Variants in PPM1E observed in about 807,000 individuals in gnomAD.
PPM1E encodes protein phosphatase, Mg2+/Mn2+ dependent 1E, also known as protein phosphatase 1E.
A neutral mutation model predicts 65.9 loss-of-function variants in PPM1E; 20 were observed. The ratio of observed to expected loss-of-function variants is 0.30; its 90% CI spans 0.21 to 0.44. The LOEUF (loss-of-function observed/expected upper bound fraction) is 0.44, where lower values mean the gene tolerates loss of function less well. PPM1E is among the 20% of genes least tolerant of loss of function. The pLI, the probability that PPM1E is intolerant of heterozygous loss-of-function variation, is 1.00. For synonymous variants in PPM1E, 352 were observed against 374.9 expected, an observed-to-expected ratio of 0.94 and a Z score of 0.70; for missense variants, 713 against 953.1, an observed-to-expected ratio of 0.75 and a Z score of 3.32.
chr17:58,928,702 ATT>A (rs138970237), intron 1 of PPM1E, among the ~76,000 whole-genome samples: 11 of 140,430 alleles, frequency 7.8e-5, no homozygotes, highest in Admixed American at 1.4e-4. Context: ...TCACACACGA[ATT>A]TTTTTTTTTT....
rs141896859 is a variant in PPM1E, at chr17:58,976,751, T to A, written c.1211-3223T>A. On this transcript the variant is annotated intron_variant, in intron 6 of 6. Coordinates refer to ENST00000308249, the MANE Select transcript of PPM1E (RefSeq NM_014906.5). ...AGTAGAGCAGGTGAAAAGCCAGAAC[T>A]TTGGCAGCATTTTCTCTGTACAAAT... 3.0e-3 allele frequency among the ~76,000 whole-genome samples: 459 copies of A among 152,294 alleles called. 1 individual carries two copies. The highest frequency in any genetic ancestry group is 0.01 in the African/African-American group (416 of 41,558).
In PPM1E at chr17:58,960,754, AGACTCTGTCTC is replaced by A. The variant is rs1231045123; in HGVS notation, c.584-4939_584-4929del. Among the ~76,000 whole-genome samples the A allele has an allele frequency of 3.7e-4, 55 of 149,790 alleles. 1 individual carries two copies. Among genetic ancestry groups the A allele is most frequent in the South Asian group, 6.3e-4 (3 of 4,756 alleles). On this transcript the variant is annotated intron_variant, in intron 2 of 6. Coordinates refer to ENST00000308249, the MANE Select transcript of PPM1E (RefSeq NM_014906.5). ...GCACTCCAACCTGGACTACAGAGCAAGACTCTGTCTCAAAAAAAAAAAAAAAAGAAAAATAA... is the reference window on the plus strand; with the variant it reads ...GCACTCCAACCTGGACTACAGAGCAAAAAAAAAAAAAAAAAAGAAAAATAA...
intron 1 of PPM1E, among the ~76,000 whole-genome samples, chr17:58,775,775 G>A (rs924975355): frequency 2.7e-5 from 4 of 150,268 alleles, no homozygotes; most frequent in South Asian, 2.1e-4. Context: ...TTAGCCGGGC[G>A]CGGTGGCGGG....
At chr17:58,963,471 G>A (rs1303135726) in intron 2 of PPM1E, among the ~76,000 whole-genome samples, 1 of 151,286 alleles carries the variant, frequency 6.6e-6, no homozygotes, top group African/African-American at 2.4e-5. Flanking sequence ...GGTGGATCAC[G>A]AGGTCAGGAG....
intron 1 of PPM1E, among the ~76,000 whole-genome samples, chr17:58,878,018 G>T (rs1337695032): frequency 1.3e-5 from 2 of 151,578 alleles, no homozygotes; most frequent in Non-Finnish European, 2.9e-5. Flanking sequence ...AAAGAAAAAA[G>T]TGAAAAATAA....
chr17:58,977,215 T>A lies in PPM1E; in HGVS notation c.1211-2759T>A, dbSNP rs2031057366. On this transcript the variant is annotated intron_variant, in intron 6 of 6. Transcript: ENST00000308249. The stretch of plus-strand genomic sequence containing the variant: ...ATCCCAGCACTTTGAGAAGCCCAGG[T>A]GGGTAGATCACAAGGTCAGGAGTTC... Among the ~76,000 whole-genome samples, 5 of 152,022 alleles carry A rather than the reference T, an allele frequency of 3.3e-5. No individual in the cohort carries two copies. In the South Asian group the frequency reaches 1.0e-3, roughly 32 times the overall value.
chr17:58,909,927 T>TTC (rs2051605809), intron 1 of PPM1E, among the ~76,000 whole-genome samples: 1 of 129,902 alleles, frequency 7.7e-6, no homozygotes, highest in African/African-American at 3.1e-5. Flanking sequence ...TCTTTTTCTT[T>TTC]TTTTTTTTTT....
At chr17:58,941,691 C>T (rs1235109636) in intron 1 of PPM1E, among the ~76,000 whole-genome samples, 1 of 63,048 alleles carries the variant, frequency 1.6e-5, no homozygotes, top group Non-Finnish European at 3.0e-5. Flanking sequence ...GACTCCATCT[C>T]AAAAAAAAAA....
intron 1 of PPM1E, among the ~76,000 whole-genome samples, chr17:58,848,150 A>C (rs369288875): frequency 6.6e-6 from 1 of 152,260 alleles, no homozygotes; most frequent in Middle Eastern, 3.4e-3. Flanking sequence ...CTGAAGTTGC[A>C]TATCAGCTTA....
At position 58,982,774 on chromosome 17, in the gene PPM1E, G is replaced by A. The variant is rs1297264603; in HGVS notation, c.*1743G>A. ...ACGTCTGTGACAAATGGTTGAAAAG[G>A]AGTCAACATGGCCCCAACTATAGTG... is the stretch of plus-strand genomic sequence containing the variant. On this transcript the variant is annotated 3_prime_UTR_variant, in exon 7 of 7. Coordinates refer to ENST00000308249, the MANE Select transcript of PPM1E (RefSeq NM_014906.5). The A allele has an allele frequency of 1.6e-6, 1 of 644,120 alleles. No individual in the cohort carries two copies. The highest frequency in any genetic ancestry group is 2.6e-6 in the Non-Finnish European group (1 of 382,034). 39.9% of individuals were successfully genotyped at this position (644,120 alleles called of 1,614,324 possible). A position where few individuals can be genotyped will look rare whatever the true frequency, so the allele number is the denominator to read the frequency against.
At chr17:58,978,816 A>C (rs2031186214) in intron 6 of PPM1E, among the ~76,000 whole-genome samples, 1 of 152,220 alleles carries the variant, frequency 6.6e-6, no homozygotes. Flanking sequence ...AAAGGAATGT[A>C]ATCAATGTAA....
Position 58,955,809 on chromosome 17 carries a change from C to A in PPM1E, c.583+42C>A, listed in dbSNP as rs73993824. The A allele has an allele frequency of 1.3e-4, 194 of 1,547,852 alleles. No individual in the cohort carries two copies. In the African/African-American group the frequency reaches 2.4e-3, roughly 19 times the overall value. ...ATTATTTGTTTAAAAATACTAGAAT[C>A]TTCTATATGTAGTGGTCCACAGAAA... is the stretch of plus-strand genomic sequence containing the variant. On this transcript the variant is annotated intron_variant, in intron 2 of 6. Transcript: ENST00000308249.
chr17:58,783,030 A>AGAAAG (rs1460907224), intron 1 of PPM1E, among the ~76,000 whole-genome samples: 3 of 152,216 alleles, frequency 2.0e-5, no homozygotes, highest in Non-Finnish European at 2.9e-5. Flanking sequence ...TAACTACTCA[A>AGAAAG]TATGACTTTG....
At chr17:58,762,095 C>T (rs2049827149) in intron 1 of PPM1E, among the ~76,000 whole-genome samples, 1 of 152,136 alleles carries the variant, frequency 6.6e-6, no homozygotes, top group Non-Finnish European at 1.5e-5. Context: ...ATTTTTAGGC[C>T]ATTACAAACT....
rs74256772 is a variant in PPM1E at position 58,756,096 on chromosome 17, G to C, written c.99G>C (p.Pro33=). The C allele has an allele frequency of 4.4e-6, 7 of 1,597,710 alleles. No homozygotes were observed. The South Asian group carries it at 5.6e-5, about 13-fold the overall frequency. ...CGTGCGGCGGCGGCGAGCCGGAGCC[G>C]GAACCCGAACCCGAACCCGAACCCG... The part of the protein sequence containing the change: ...RGPCGGGEPE[P]EPEPEPEPEP... The change falls in exon 1 of 7, where the codon CCG becomes CCC. Residue 33 remains proline (P), a synonymous_variant. Coordinates refer to ENST00000308249, the MANE Select transcript of PPM1E (RefSeq NM_014906.5).
chr17:58,927,783 G>C (rs537679890), intron 1 of PPM1E, among the ~76,000 whole-genome samples: 8 of 152,188 alleles, frequency 5.3e-5, no homozygotes, highest in Admixed American at 3.9e-4. Flanking sequence ...AGGCGGCCGG[G>C]CCCGGTGGCT....
At chr17:58,910,016 C>T (rs1440776407) in intron 1 of PPM1E, among the ~76,000 whole-genome samples, 1 of 143,648 alleles carries the variant, frequency 7.0e-6, no homozygotes, top group Non-Finnish European at 1.5e-5. Context: ...GATTCTCCTG[C>T]CTCAGCCTCC....
At chr17:58,901,142 G>A (rs564981906) in intron 1 of PPM1E, among the ~76,000 whole-genome samples, 1 of 152,268 alleles carries the variant, frequency 6.6e-6, no homozygotes, top group South Asian at 2.1e-4. Flanking sequence ...TTTTCCTGCG[G>A]TATGCTTATC....
chr17:58,767,757 C>T (rs939706548), intron 1 of PPM1E, among the ~76,000 whole-genome samples: 8 of 152,102 alleles, frequency 5.3e-5, no homozygotes, highest in Non-Finnish European at 7.3e-5. Context: ...ATTCTCCTGC[C>T]TTAGGCTCCC....
Sources: gnomAD v4.1 joint callset for allele counts (sites outside exome capture counted in the v4.1 genomes callset) on GRCh38, gnomAD v4.1.1 for gene constraint, MANE v1.5 for transcripts, NCBI Gene and HGNC (gene_info 2026-07-23, HGNC 2026-07-21) for gene names.